The following COL4A1 variants were observed in gnomAD, a reference collection of about 807,000 sequenced individuals.
The protein encoded by COL4A1 is collagen type IV alpha 1 chain.
COL4A1 carries 40 observed loss-of-function variants against 216.6 expected under a neutral mutation model. The observed-to-expected ratio is 0.18, with a 90% CI of 0.14 to 0.24. The LOEUF (loss-of-function observed/expected upper bound fraction) is 0.24. COL4A1 is among the 10% of genes least tolerant of loss of function. The probability of loss-of-function intolerance (pLI) is 1.00; values close to 1 mark genes in which losing one functional copy is unlikely to be tolerated. For synonymous variants in COL4A1, 839 were observed against 810.7 expected (o/e 1.03, Z -0.59); for missense variants, 1,628 against 2,196.8 (o/e 0.74, Z 5.18).
At chr13:110,153,597 CATT>C (rs1474101877) in intron 50 of COL4A1, among the ~76,000 whole-genome samples, 11 of 152,138 alleles carry the variant, frequency 7.2e-5, no homozygotes, top group Admixed American at 2.6e-4. Context: ...AAGCTTACAT[CATT>C]GTTAGTGTCC....
chr13:110,220,448 C>T (rs994962341), intron 2 of COL4A1, among the ~76,000 whole-genome samples: 11 of 152,152 alleles, frequency 7.2e-5, no homozygotes, highest in East Asian at 1.9e-4. Context: ...AAAACCAGAA[C>T]GGCTTGTGGC....
At chr13:110,212,307 T>G (rs1027934716) in intron 6 of COL4A1, 110 bp downstream of exon 6, 1 of 1,346,488 alleles carries the variant, frequency 7.4e-7, no homozygotes, top group African/African-American at 1.4e-5. Context: ...CAAGCAACTT[T>G]CCAATTGTGG....
In COL4A1 at chr13:110,187,321, T is replaced by G; in HGVS notation, c.1545A>C (p.Gln515His). 6.2e-7 allele frequency: 1 copy of G among 1,612,248 alleles called. No homozygotes were observed. Among genetic ancestry groups the G allele is most frequent in the Non-Finnish European group, 8.5e-7 (1 of 1,179,844 alleles). The change falls in exon 25 of 52, where the codon CAA becomes CAC. Residue 515 changes from glutamine (Q) to histidine (H), a missense_variant. Physicochemically the swap from Gln to His is conservative, Grantham distance 24 (BLOSUM62 0). Around this residue, in one of 8 missense-constraint regions of COL4A1, gnomAD observed 701 missense variants for 892.5 expected, o/e 0.79. Transcript: ENST00000375820. Reference sequence around the variant, plus strand: ...GCTGGCCTATCAGCCCTGGTGTACCTTGAGGGCCCTGTAAGAACAAAGCCT... The same window carrying G: ...GCTGGCCTATCAGCCCTGGTGTACCGTGAGGGCCCTGTAAGAACAAAGCCT... ...RDGVAGVPGP[Q>H]GTPGLIGQPG...
intron 2 of COL4A1, among the ~76,000 whole-genome samples, chr13:110,231,156 C>T (rs1311115185): frequency 6.6e-6 from 1 of 152,226 alleles, no homozygotes; most frequent in African/African-American, 2.4e-5. Flanking sequence ...CACCGAGGTG[C>T]CTCTTGCCCT....
At chr13:110,301,181 T>C (rs1373965150) in intron 1 of COL4A1, among the ~76,000 whole-genome samples, 3 of 152,340 alleles carry the variant, frequency 2.0e-5, no homozygotes, top group South Asian at 2.1e-4. Context: ...TCACTAGTAA[T>C]ACCACAGGGG....
chr13:110,184,466 T>C (rs1878314844), intron 26 of COL4A1, among the ~76,000 whole-genome samples: 1 of 152,184 alleles, frequency 6.6e-6, no homozygotes, highest in African/African-American at 2.4e-5. Flanking sequence ...TCAAACCCGG[T>C]ATCCCCTACC....
intron 6 of COL4A1, 113 bp from the exon 7 acceptor site, chr13:110,212,035 C>T: frequency 8.6e-7 from 1 of 1,161,278 alleles, no homozygotes; most frequent in African/African-American, 1.5e-5. Flanking sequence ...AAATCATTTC[C>T]TAAAAACAGT....
chr13:110,177,103 C>T lies in COL4A1; in HGVS notation c.2717-66G>A, dbSNP rs190381545. ...GTCACAGAGGTGCTCAAAAGGCTCACGTTCTTGTTGACAGGGACAGCAGCT... is the reference window on the plus strand; with the variant it reads ...GTCACAGAGGTGCTCAAAAGGCTCATGTTCTTGTTGACAGGGACAGCAGCT... On this transcript the variant is annotated intron_variant, in intron 33 of 51. Coordinates refer to ENST00000375820, the MANE Select transcript of COL4A1 (RefSeq NM_001845.6). 66 of 1,603,398 alleles carry T rather than the reference C, an allele frequency of 4.1e-5. No individual in the cohort carries two copies. In the Middle Eastern group the frequency reaches 9.8e-4, roughly 24 times the overall value.
intron 39 of COL4A1, 53 bp from the exon 40 acceptor site, chr13:110,174,051 G>A: frequency 6.3e-7 from 1 of 1,593,118 alleles, no homozygotes; most frequent in Non-Finnish European, 8.6e-7. Flanking sequence ...CAGCACCCTA[G>A]CTGCCATACA....
intron 1 of COL4A1, among the ~76,000 whole-genome samples, chr13:110,270,565 A>T (rs1005654090): frequency 1.6e-4 from 24 of 152,196 alleles, no homozygotes; most frequent in Non-Finnish European, 3.2e-4. Flanking sequence ...GGGTCGTTTC[A>T]TGGCCCCTTT....
intron 21 of COL4A1, among the ~76,000 whole-genome samples, chr13:110,198,077 G>GT (rs34142944): frequency 0.25 from 33,880 of 134,848 alleles, 4,136 homozygotes; most frequent in Admixed American, 0.33. Context: ...CTTGTTTCTG[G>GT]GGTGTGTGTG....
At chr13:110,300,014 C>G (rs946032464) in intron 1 of COL4A1, among the ~76,000 whole-genome samples, 1 of 151,938 alleles carries the variant, frequency 6.6e-6, no homozygotes. Context: ...AAGGGAACTG[C>G]GGATCTGAAA....
chr13:110,238,187 C>A (rs145441278), intron 2 of COL4A1, among the ~76,000 whole-genome samples: 7 of 152,298 alleles, frequency 4.6e-5, no homozygotes, highest in African/African-American at 1.7e-4. Context: ...TGCTGAGGAT[C>A]TGGGTATCAG....
intron 1 of COL4A1, among the ~76,000 whole-genome samples, chr13:110,264,599 C>G (rs150321223): frequency 1.7e-4 from 26 of 152,296 alleles, no homozygotes; most frequent in African/African-American, 5.8e-4. Context: ...AGAATGCCAA[C>G]TCTAGTTCCA....
Position 110,152,440 on chromosome 13 carries a change from A to G in COL4A1, c.4822T>C (p.Phe1608Leu). 1 of 1,613,912 alleles carries G rather than the reference A, an allele frequency of 6.2e-7. No individual in the cohort carries two copies. The highest frequency in any genetic ancestry group is 8.5e-7 in the Non-Finnish European group (1 of 1,179,980). ...LASPGSCLEE[F>L]RSAPFIECHG... is the part of the protein sequence containing the mutation. ...CACTCGATGAATGGCGCACTTCTAA[A>G]CTCCTCCAGGCAGGAGCCGGGGGAC... Residue 1608 changes from phenylalanine (F) to leucine (L), a missense_variant, in exon 51 of 52, where the codon TTT becomes CTT. By Grantham distance (22) the Phe-to-Leu change is conservative. This residue lies in a region of COL4A1 where 254 missense variants were observed against 300.1 expected (regional missense o/e 0.85). Coordinates refer to ENST00000375820, the MANE Select transcript of COL4A1 (RefSeq NM_001845.6).
intron 43 of COL4A1, among the ~76,000 whole-genome samples, chr13:110,169,338 A>G (rs1458888849): frequency 2.6e-5 from 4 of 152,156 alleles, no homozygotes; most frequent in Non-Finnish European, 5.9e-5. Context: ...TTAGGCATTG[A>G]GCCATAATTT....
chr13:110,154,439 G>A (rs115278730), intron 50 of COL4A1, among the ~76,000 whole-genome samples: 2,790 of 152,376 alleles, frequency 0.018, 76 homozygotes, highest in African/African-American at 0.064. Flanking sequence ...GGCCTTCGTG[G>A]AGGCCACGGC....
chr13:110,194,062 T>C (rs183842918), intron 22 of COL4A1, among the ~76,000 whole-genome samples: 110 of 152,254 alleles, frequency 7.2e-4, no homozygotes, highest in Non-Finnish European at 1.3e-3. Context: ...GGATCTGTCA[T>C]AAAATGGAAG....
rs1879008462 is a variant in COL4A1 at position 110,198,457 on chromosome 13, G to A, written c.1285+10C>T. The A allele has an allele frequency of 6.2e-7, 1 of 1,613,362 alleles. No individual in the cohort carries two copies. Among genetic ancestry groups the A allele is most frequent in the African/African-American group, 1.3e-5 (1 of 74,882 alleles). On this transcript the variant is annotated intron_variant, in intron 21 of 51. Coordinates refer to ENST00000375820, the MANE Select transcript of COL4A1 (RefSeq NM_001845.6). ...GCACCCCACATTAAACCATTTCTGA[G>A]GGAACTCACTTGTGTAGCCAGGCTG... is the stretch of plus-strand genomic sequence containing the variant.
Sources: gnomAD v4.1 joint callset for allele counts (sites outside exome capture counted in the v4.1 genomes callset) on GRCh38, gnomAD v4.1.1 for gene constraint, gnomAD v4.1.1 regional missense constraint, MANE v1.5 for transcripts, NCBI Gene and HGNC (gene_info 2026-07-23, HGNC 2026-07-21) for gene names.